COL19A1: variants seen among roughly 807,000 people sequenced by gnomAD.
COL19A1 encodes collagen type XIX alpha 1 chain, also known as collagen alpha-1(XIX) chain.
COL19A1 carries 159 observed loss-of-function variants against 190.2 expected under a neutral mutation model. The observed-to-expected ratio is 0.84, with a 90% CI of 0.73 to 0.95. COL19A1 has a LOEUF of 0.95. Among genes scored for constraint, COL19A1 ranks in the 40% least tolerant of loss-of-function variants. The pLI, the probability that COL19A1 is intolerant of heterozygous loss-of-function variation, is 0.00. For missense variants in COL19A1, 1,418 were observed against 1,431.9 expected (o/e 0.99, Z 0.16); for synonymous variants, 509 against 458.9 (o/e 1.11, Z -1.39).
At chr6:69,875,221 G>T (rs192253482) in intron 1 of COL19A1, among the ~76,000 whole-genome samples, 273 of 152,300 alleles carry the variant, frequency 1.8e-3, no homozygotes, top group African/African-American at 6.3e-3. Flanking sequence ...AAAACCTTGA[G>T]GTTGAAAACA....
chr6:70,098,927 G>C (rs539785098), intron 15 of COL19A1, among the ~76,000 whole-genome samples: 1 of 151,512 alleles, frequency 6.6e-6, no homozygotes. Context: ...GATAGAAATT[G>C]CAGCCCCTAA....
In COL19A1 at chr6:70,207,346, C is replaced by T; in HGVS notation, c.*72C>T. 8.2e-7 allele frequency: 1 copy of T among 1,215,516 alleles called. No homozygotes were observed. The highest frequency in any genetic ancestry group is 1.1e-6 in the Non-Finnish European group (1 of 914,508). The allele number at this position is 1,215,516 out of a possible 1,614,324, so 75.3% of individuals were successfully genotyped here. On this transcript the variant is annotated 3_prime_UTR_variant, in exon 51 of 51. Transcript: ENST00000620364. Reference sequence around the variant, plus strand: ...GGAGCTCTCTTAATACCGTCAAACCCTCATCATCTGTGGGTTGCTTTTTTT... The same window carrying T: ...GGAGCTCTCTTAATACCGTCAAACCTTCATCATCTGTGGGTTGCTTTTTTT...
At chr6:70,146,562 C>G (rs918155020) in intron 25 of COL19A1, 97 bp from the exon 26 acceptor site, 2 of 820,448 alleles carry the variant, frequency 2.4e-6, no homozygotes, top group African/African-American at 1.8e-5. Context: ...TTTATTCAAG[C>G]AAGATGAAGA....
In COL19A1 at chr6:69,924,567, G is replaced by A. The variant is rs145986982; in HGVS notation, c.267-3342G>A. 2.8e-3 allele frequency among the ~76,000 whole-genome samples: 432 copies of A among 152,252 alleles called. 3 individuals carry two copies. The highest frequency in any genetic ancestry group is 9.8e-3 in the African/African-American group (405 of 41,536). ...GAATAGTGCCGCAATAAACATATGT[G>A]TGCATGTGACTTTATAGCAGAATGA... On this transcript the variant is annotated intron_variant, in intron 4 of 50. Transcript: ENST00000620364.
chr6:70,105,621 T>G (rs1481393613), intron 16 of COL19A1, among the ~76,000 whole-genome samples: 2 of 152,214 alleles, frequency 1.3e-5, no homozygotes, highest in African/African-American at 4.8e-5. Context: ...TATATTTCTT[T>G]TCCAACATTG....
intron 1 of COL19A1, among the ~76,000 whole-genome samples, chr6:69,878,308 G>A (rs891503695): frequency 1.3e-5 from 2 of 151,898 alleles, no homozygotes; most frequent in African/African-American, 4.8e-5. Flanking sequence ...CCACCTCCCA[G>A]GTTCAAGTGA....
chr6:70,063,387 T>C (rs953937138), intron 14 of COL19A1, among the ~76,000 whole-genome samples: 5 of 151,936 alleles, frequency 3.3e-5, no homozygotes, highest in African/African-American at 1.2e-4. Flanking sequence ...GACTGCTGGG[T>C]ACATAATGAA....
chr6:70,045,312 CAAAAAAAAAAA>C (rs34047162), intron 14 of COL19A1, among the ~76,000 whole-genome samples: 1 of 68,958 alleles, frequency 1.5e-5, no homozygotes, highest in African/African-American at 4.9e-5. Context: ...GACTCTGTCT[CAAAAAAAAAAA>C]AAAAAAAAAA....
chr6:70,174,754 A>T (rs1326475426), intron 41 of COL19A1, among the ~76,000 whole-genome samples: 1 of 152,142 alleles, frequency 6.6e-6, no homozygotes, highest in Non-Finnish European at 1.5e-5. Flanking sequence ...CTAACAAGTA[A>T]CCATGGAATT....
intron 14 of COL19A1, among the ~76,000 whole-genome samples, chr6:70,067,033 T>C (rs1287547339): frequency 6.6e-6 from 1 of 152,172 alleles, no homozygotes; most frequent in African/African-American, 2.4e-5. Context: ...GATTCTGTTA[T>C]AGATTAGAGC....
At chr6:70,059,722 A>G in intron 14 of COL19A1, 1 of 470,272 alleles carries the variant, frequency 2.1e-6, no homozygotes, top group South Asian at 1.7e-5. Flanking sequence ...ACGGAAAATG[A>G]ATACCTATGT....
chr6:70,200,272 TA>T (rs1261950864), intron 49 of COL19A1, among the ~76,000 whole-genome samples: 1 of 152,246 alleles, frequency 6.6e-6, no homozygotes, highest in African/African-American at 2.4e-5. Context: ...ACATGATTTC[TA>T]AAGTTCTTAA....
intron 11 of COL19A1, among the ~76,000 whole-genome samples, chr6:69,986,575 A>T (rs575428154): frequency 6.6e-6 from 1 of 152,270 alleles, no homozygotes; most frequent in African/African-American, 2.4e-5. Flanking sequence ...AAAGTTTGAG[A>T]GCAGTTATTT....
intron 17 of COL19A1, 88 bp from the exon 18 acceptor site, chr6:70,130,094 T>C: frequency 7.0e-7 from 1 of 1,435,462 alleles, no homozygotes; most frequent in South Asian, 1.3e-5. Context: ...TACAGAACTA[T>C]TATCTGACTG....
chr6:70,068,393 G>C, intron 14 of COL19A1, 30 bp from the exon 15 acceptor site: 1 of 1,387,118 alleles, frequency 7.2e-7, no homozygotes, highest in Non-Finnish European at 1.0e-6. Context: ...TTGAAACAGT[G>C]TATTAACATG....
intron 11 of COL19A1, among the ~76,000 whole-genome samples, chr6:69,988,686 A>AG (rs1167461313): frequency 6.6e-6 from 1 of 152,134 alleles, no homozygotes; most frequent in African/African-American, 2.4e-5. Context: ...GAGATTCAAA[A>AG]CAAACCTCTT....
At chr6:69,901,229 T>C (rs1321146553) in intron 4 of COL19A1, among the ~76,000 whole-genome samples, 1 of 152,240 alleles carries the variant, frequency 6.6e-6, no homozygotes. Flanking sequence ...TAGCCTAATA[T>C]TTAAGACAGA....
At chr6:70,140,862 T>A in intron 19 of COL19A1, 92 bp from the exon 20 acceptor site, 1 of 1,161,036 alleles carries the variant, frequency 8.6e-7, no homozygotes, top group Admixed American at 1.8e-5. Context: ...GCAATGGGAA[T>A]CTGAGTTTGG....
At chr6:70,084,587 G>T (rs1481459569) in intron 15 of COL19A1, among the ~76,000 whole-genome samples, 2 of 152,172 alleles carry the variant, frequency 1.3e-5, no homozygotes, top group Non-Finnish European at 2.9e-5. Flanking sequence ...ATTTTCCTCT[G>T]CTCAGCCCGT....
Sources: gnomAD v4.1 joint callset for allele counts (sites outside exome capture counted in the v4.1 genomes callset) on GRCh38, gnomAD v4.1.1 for gene constraint, MANE v1.5 for transcripts, NCBI Gene and HGNC (gene_info 2026-07-23, HGNC 2026-07-21) for gene names.